The following SLC39A14 variants were observed in gnomAD, a reference collection of about 807,000 sequenced individuals.
The protein encoded by SLC39A14 is solute carrier family 39 member 14.
Under a neutral mutation model 45.5 loss-of-function variants are expected in SLC39A14, and 19 were observed. That is an observed-to-expected ratio of 0.42 (90% CI 0.29 to 0.61). The LOEUF (loss-of-function observed/expected upper bound fraction) is 0.61. Among genes scored for constraint, SLC39A14 ranks in the 20% least tolerant of loss-of-function variants. The pLI, the probability that SLC39A14 is intolerant of heterozygous loss-of-function variation, is 0.22. For synonymous variants in SLC39A14, 264 were observed against 251.3 expected (o/e 1.05, Z -0.48); for missense variants, 447 against 616.5 (o/e 0.73, Z 2.91).
At chr8:22,408,710 C>G (rs1015155815) in intron 3 of SLC39A14, among the ~76,000 whole-genome samples, 43 of 152,154 alleles carry the variant, frequency 2.8e-4, no homozygotes, top group African/African-American at 8.7e-4. Context: ...TGGGCCGTAG[C>G]TGGCGAATGT....
At chr8:22,380,085 G>A (rs1343009096) in intron 1 of SLC39A14, among the ~76,000 whole-genome samples, 4 of 152,102 alleles carry the variant, frequency 2.6e-5, no homozygotes, top group Non-Finnish European at 5.9e-5. Flanking sequence ...AAGTCTATAG[G>A]GAGGAAGTGC....
chr8:22,420,589 C>G lies in SLC39A14; in HGVS notation c.*891C>G, dbSNP rs1158966812. The G allele has an allele frequency of 4.1e-6, 4 of 985,274 alleles. No individual in the cohort carries two copies. Among genetic ancestry groups the G allele is most frequent in the Non-Finnish European group, 4.8e-6 (4 of 829,944 alleles). The allele number at this position is 985,274 out of a possible 1,614,324, so 61.0% of individuals were successfully genotyped here. ...AGCACATTCTGAGCACATTTGAGAC[C>G]TCTGTGTTAGAGGGGAGACTGCACA... On this transcript the variant is annotated 3_prime_UTR_variant, in exon 9 of 9. Coordinates refer to ENST00000381237, the MANE Select transcript of SLC39A14 (RefSeq NM_001128431.4).
chr8:22,429,649 A>G (rs1428610950), intron 8 of SLC39A14, among the ~76,000 whole-genome samples: 2 of 152,220 alleles, frequency 1.3e-5, no homozygotes, highest in African/African-American at 4.8e-5. Flanking sequence ...GTAGACGAGA[A>G]GGGAATGATC....
chr8:22,368,311 G>A (rs1289013155), intron 1 of SLC39A14, among the ~76,000 whole-genome samples: 1 of 151,928 alleles, frequency 6.6e-6, no homozygotes, highest in African/African-American at 2.4e-5. Flanking sequence ...TCCCCTAGGA[G>A]CCCCAGGCCA....
chr8:22,369,896 C>T (rs1032565123), intron 1 of SLC39A14, among the ~76,000 whole-genome samples: 4 of 152,196 alleles, frequency 2.6e-5, no homozygotes, highest in Admixed American at 1.3e-4. Context: ...TGAGCCCAGG[C>T]GTAGGGTTGA....
intron 8 of SLC39A14, among the ~76,000 whole-genome samples, chr8:22,418,821 A>G (rs1836045273): frequency 6.6e-6 from 1 of 152,128 alleles, no homozygotes; most frequent in Non-Finnish European, 1.5e-5. Flanking sequence ...GAGCCACTGC[A>G]TCTAGCTTGT....
intron 3 of SLC39A14, chr8:22,410,002 G>A (rs764374325): frequency 1.2e-6 from 2 of 1,614,158 alleles, no homozygotes; most frequent in Non-Finnish European, 1.7e-6. Context: ...TCTCCTGGGA[G>A]TCCTCGTCCT....
At chr8:22,389,424 T>A (rs1833950562) in intron 1 of SLC39A14, among the ~76,000 whole-genome samples, 1 of 147,546 alleles carries the variant, frequency 6.8e-6, no homozygotes, top group Non-Finnish European at 1.5e-5. Context: ...GGCTAGGAGA[T>A]CGCGCAGGGG....
At position 22,420,316 on chromosome 8, in the gene SLC39A14, G is replaced by A. The variant is rs1324391143; in HGVS notation, c.*618G>A. ...GGAGAGGAAGTCGAACCACTGCTGT[G>A]TGTCTTGTCAGGATGCTCACTTGTT... is the stretch of plus-strand genomic sequence containing the variant. On this transcript the variant is annotated 3_prime_UTR_variant, in exon 9 of 9. Transcript: ENST00000381237. The A allele has an allele frequency of 8.1e-6, 8 of 985,374 alleles. No individual in the cohort carries two copies. The highest frequency in any genetic ancestry group is 1.7e-5 in the African/African-American group (1 of 57,252). The allele number at this position is 985,374 out of a possible 1,614,324, so 61.0% of individuals were successfully genotyped here. A position where few individuals can be genotyped will look rare whatever the true frequency, so the allele number is the denominator to read the frequency against.
At chr8:22,370,405 A>T (rs544312536) in intron 1 of SLC39A14, among the ~76,000 whole-genome samples, 6 of 152,308 alleles carry the variant, frequency 3.9e-5, no homozygotes, top group South Asian at 2.1e-4. Context: ...CTATGTCAGG[A>T]TAATAGCCTG....
In SLC39A14 at chr8:22,412,321, G is replaced by A. The variant is rs917702822; in HGVS notation, c.627+115G>A. The A allele has an allele frequency of 1.7e-5, 19 of 1,147,008 alleles. No homozygotes were observed. In the Admixed American group the frequency reaches 2.2e-4, roughly 13 times the overall value. 71.1% of individuals were successfully genotyped at this position (1,147,008 alleles called of 1,614,324 possible). A position where few individuals can be genotyped will look rare whatever the true frequency, so the allele number is the denominator to read the frequency against. On this transcript the variant is annotated intron_variant, in intron 4 of 8. Transcript: ENST00000381237. ...TGGAGGCCCTTTCCTTTTGGAAAGC[G>A]AAGCTAGAACTTAGGCGTGAACTAG...
chr8:22,395,588 G>A (rs1170685710), intron 1 of SLC39A14, among the ~76,000 whole-genome samples: 1 of 152,168 alleles, frequency 6.6e-6, no homozygotes, highest in Non-Finnish European at 1.5e-5. Flanking sequence ...ATTTTGTTCT[G>A]TATTTGTCAT....
chr8:22,372,402 T>C (rs545901507), intron 1 of SLC39A14, among the ~76,000 whole-genome samples: 3 of 152,310 alleles, frequency 2.0e-5, no homozygotes, highest in East Asian at 3.9e-4. Flanking sequence ...TATCAGCACA[T>C]AGAATGCTTT....
downstream of SLC39A14, among the ~76,000 whole-genome samples, chr8:22,423,368 C>T (rs1216567770): frequency 6.7e-6 from 1 of 149,326 alleles, no homozygotes; most frequent in Non-Finnish European, 1.5e-5. Flanking sequence ...CGGAATCTCA[C>T]TCTATTGCCC....
At chr8:22,427,015 G>A (rs948709940), downstream of SLC39A14, among the ~76,000 whole-genome samples, 4 of 151,702 alleles carry the variant, frequency 2.6e-5, no homozygotes, top group Non-Finnish European at 5.9e-5. Flanking sequence ...TGTTGGGGCC[G>A]GGTGCAGTGG....
chr8:22,396,125 G>C (rs1397519790), intron 1 of SLC39A14, among the ~76,000 whole-genome samples: 1 of 151,928 alleles, frequency 6.6e-6, no homozygotes, highest in Non-Finnish European at 1.5e-5. Context: ...CCAGCACTTT[G>C]GGAGACCGAG....
At chr8:22,385,008 C>T (rs1241474303) in intron 1 of SLC39A14, among the ~76,000 whole-genome samples, 2 of 152,084 alleles carry the variant, frequency 1.3e-5, no homozygotes, top group Non-Finnish European at 2.9e-5. Flanking sequence ...TGAGATCGCG[C>T]CACTGCACTC....
rs992541960 is a variant in SLC39A14 at position 22,416,101 on chromosome 8, A to C, written c.968A>C (p.Tyr323Ser). 2 of 1,614,008 alleles carry C rather than the reference A, an allele frequency of 1.2e-6. No homozygotes were observed. The highest frequency in any genetic ancestry group is 1.7e-6 in the Non-Finnish European group (2 of 1,179,994). Reference protein sequence around the residue: ...QDLQASQSACYWLKGVRYSDI... With the variant: ...QDLQASQSACSWLKGVRYSDI... ...CTGCAGGCTTCCCAGAGTGCTTGCTACTGGCTGAAAGGTGTCCGCTACTCT... is the reference window on the plus strand; with the variant it reads ...CTGCAGGCTTCCCAGAGTGCTTGCTCCTGGCTGAAAGGTGTCCGCTACTCT... Residue 323 changes from tyrosine (Y) to serine (S), a missense_variant, in exon 7 of 9, where the codon TAC becomes TCC. By Grantham distance (144) the Tyr-to-Ser change is moderately radical. Around this residue, in one of 2 missense-constraint regions of SLC39A14, gnomAD observed 342 missense variants for 428.1 expected, o/e 0.80. Coordinates refer to ENST00000381237, the MANE Select transcript of SLC39A14 (RefSeq NM_001128431.4).
In SLC39A14 at chr8:22,421,969, T is replaced by C. The variant is rs1178321894; in HGVS notation, c.*2271T>C. 19 of 985,490 alleles carry C rather than the reference T, an allele frequency of 1.9e-5. 1 individual carries two copies. In the East Asian group the frequency reaches 1.6e-3, roughly 82 times the overall value. 61.0% of individuals were successfully genotyped at this position (985,490 alleles called of 1,614,324 possible). A position where few individuals can be genotyped will look rare whatever the true frequency, so the allele number is the denominator to read the frequency against. On this transcript the variant is annotated 3_prime_UTR_variant, in exon 9 of 9. Transcript: ENST00000381237. ...CCGTAGTTGGCGCAGAGGTCAGTCC[T>C]AGTCGGAGCTTAGGAGGGGCGGAGA...
Sources: gnomAD v4.1 joint callset for allele counts (sites outside exome capture counted in the v4.1 genomes callset) on GRCh38, gnomAD v4.1.1 for gene constraint, gnomAD v4.1.1 regional missense constraint, MANE v1.5 for transcripts, NCBI Gene and HGNC (gene_info 2026-07-23, HGNC 2026-07-21) for gene names.